The following TBCK variants were observed in gnomAD, a reference collection of about 807,000 sequenced individuals.
The protein encoded by TBCK is TBC1 domain containing kinase, also known as TBC domain-containing protein kinase-like protein.
TBCK carries 99 observed loss-of-function variants against 113.4 expected under a neutral mutation model. The observed-to-expected ratio is 0.87, with a 90% confidence interval of 0.74 to 1.03. The LOEUF (loss-of-function observed/expected upper bound fraction) is 1.03, where lower values mean the gene tolerates loss of function less well. Ranked by LOEUF, TBCK falls within the 50% of genes least tolerant of loss-of-function variation. TBCK has a pLI of 0.00. For synonymous variants in TBCK, 369 were observed against 370.8 expected, an observed-to-expected ratio of 1.00 and a Z score of 0.05; for missense variants, 1,045 against 1,061.3, an observed-to-expected ratio of 0.98 and a Z score of 0.21.
At chr4:106,052,754 A>G (rs930300839) in intron 25 of TBCK, among the ~76,000 whole-genome samples, 5 of 151,806 alleles carry the variant, frequency 3.3e-5, no homozygotes, top group African/African-American at 1.2e-4. Context: ...TTTATTTTAA[A>G]AAAAGTCAAA....
chr4:106,282,590 A>T (rs1024695955), intron 3 of TBCK, among the ~76,000 whole-genome samples: 1 of 151,952 alleles, frequency 6.6e-6, no homozygotes, highest in Non-Finnish European at 1.5e-5. Context: ...AGGTTTTGGT[A>T]TATTGTGTTT....
At chr4:106,246,486 A>G (rs1230790298) in intron 10 of TBCK, among the ~76,000 whole-genome samples, 1 of 151,360 alleles carries the variant, frequency 6.6e-6, no homozygotes, top group Non-Finnish European at 1.5e-5. Flanking sequence ...ATTCTTATCA[A>G]TAATATTATT....
intron 20 of TBCK, among the ~76,000 whole-genome samples, chr4:106,208,391 G>T (rs1755768578): frequency 1.3e-5 from 2 of 149,294 alleles, no homozygotes; most frequent in African/African-American, 4.9e-5. Context: ...CACTGTTGTG[G>T]CCATCTTTGA....
chr4:106,075,835 T>C (rs1738126269), intron 25 of TBCK, among the ~76,000 whole-genome samples: 1 of 152,246 alleles, frequency 6.6e-6, no homozygotes, highest in Admixed American at 6.5e-5. Context: ...GCCCTAAGCA[T>C]GTTAGCACAT....
chr4:106,239,700 G>A (rs1285127182), intron 12 of TBCK, among the ~76,000 whole-genome samples: 4 of 152,034 alleles, frequency 2.6e-5, no homozygotes. Flanking sequence ...TAAACAACCT[G>A]AGTAAACTTA....
At chr4:106,070,947 T>A (rs890301283) in intron 25 of TBCK, among the ~76,000 whole-genome samples, 2 of 152,204 alleles carry the variant, frequency 1.3e-5, no homozygotes, top group Non-Finnish European at 2.9e-5. Context: ...GTTTATAGTA[T>A]TTTCTGATGG....
chr4:106,214,874 G>A (rs1008814563), intron 19 of TBCK, among the ~76,000 whole-genome samples: 8 of 152,012 alleles, frequency 5.3e-5, no homozygotes, highest in African/African-American at 1.2e-4. Flanking sequence ...ATGCCACAAA[G>A]ATACTCCTTG....
chr4:106,277,154 C>A (rs1376733964), intron 3 of TBCK, among the ~76,000 whole-genome samples: 1 of 152,056 alleles, frequency 6.6e-6, no homozygotes, highest in Non-Finnish European at 1.5e-5. Context: ...CTACTTTATA[C>A]CTTGTACAAA....
At position 106,088,199 on chromosome 4, in the gene TBCK, CCTAT is replaced by C. The variant is rs1671438735; in HGVS notation, c.2571+7279_2571+7282del. 8.5e-5 allele frequency among the ~76,000 whole-genome samples: 13 copies of C among 152,252 alleles called. No individual in the cohort carries two copies. In the South Asian group the frequency reaches 2.5e-3, roughly 29 times the overall value. ...AATGGGAGAAAATTCTTGCAATCTA[CCTAT>C]CTGACGAAGGTCTAACATCCAGAAT... On this transcript the variant is annotated intron_variant, in intron 25 of 25. Coordinates refer to ENST00000394708, the MANE Select transcript of TBCK (RefSeq NM_001163435.3).
intron 10 of TBCK, among the ~76,000 whole-genome samples, chr4:106,246,133 G>C (rs1411937332): frequency 4.6e-5 from 7 of 152,180 alleles, no homozygotes; most frequent in African/African-American, 1.7e-4. Context: ...GTCCCAGACA[G>C]AAATACAGAA....
At chr4:106,298,546 C>T (rs1766563594) in intron 2 of TBCK, among the ~76,000 whole-genome samples, 2 of 151,804 alleles carry the variant, frequency 1.3e-5, no homozygotes, top group Non-Finnish European at 2.9e-5. Context: ...GGAGGCAGAG[C>T]TTGTAGTGAG....
intron 25 of TBCK, among the ~76,000 whole-genome samples, chr4:106,090,814 T>G (rs983018340): frequency 6.6e-6 from 1 of 152,132 alleles, no homozygotes; most frequent in South Asian, 2.1e-4. Flanking sequence ...TCCCAATAAC[T>G]CTCTCATTTC....
At chr4:106,159,697 A>G (rs1749538139) in intron 23 of TBCK, among the ~76,000 whole-genome samples, 1 of 152,118 alleles carries the variant, frequency 6.6e-6, no homozygotes, top group African/African-American at 2.4e-5. Context: ...TAAGATATCA[A>G]TATTACTCAA....
chr4:106,071,401 T>A (rs544234804), intron 25 of TBCK, among the ~76,000 whole-genome samples: 89 of 152,260 alleles, frequency 5.8e-4, no homozygotes, highest in Non-Finnish European at 1.1e-3. Flanking sequence ...CATGTAGTTG[T>A]GTGGTTTTGA....
intron 25 of TBCK, among the ~76,000 whole-genome samples, chr4:106,054,652 T>C (rs996918688): frequency 3.3e-5 from 5 of 151,780 alleles, no homozygotes; most frequent in Admixed American, 2.6e-4. Context: ...GAACAGTGAC[T>C]GCTAGTACAC....
intron 23 of TBCK, among the ~76,000 whole-genome samples, chr4:106,149,107 G>T (rs1372866320): frequency 6.6e-6 from 1 of 152,114 alleles, no homozygotes; most frequent in Non-Finnish European, 1.5e-5. Flanking sequence ...GATCTCTCAT[G>T]GCCTTACAGA....
chr4:106,111,201 T>C (rs1742813863), intron 24 of TBCK, among the ~76,000 whole-genome samples: 2 of 152,122 alleles, frequency 1.3e-5, no homozygotes, highest in South Asian at 4.1e-4. Flanking sequence ...CGAGGAGCAA[T>C]TAAAAGCTGA....
chr4:106,178,905 A>G (rs1282933602), intron 22 of TBCK, among the ~76,000 whole-genome samples: 20 of 151,710 alleles, frequency 1.3e-4, no homozygotes, highest in Admixed American at 1.3e-3. Flanking sequence ...ACAGCTGCTT[A>G]TCTTGTTATT....
chr4:106,237,588 T>A lies in TBCK; in HGVS notation c.1171-780A>T, dbSNP rs189325729. 2.3e-3 allele frequency: 1,030 copies of A among 454,384 alleles called. 28 individuals carry two copies. In the Admixed American group the frequency reaches 0.024, roughly 10 times the overall value. The allele number at this position is 454,384 out of a possible 1,614,324, so 28.1% of individuals were successfully genotyped here. A position where few individuals can be genotyped will look rare whatever the true frequency, so the allele number is the denominator to read the frequency against. ...AAGCTGTGTGTGCAGCAAGCACTGA[T>A]CTTCTGCTGATTAGAGTCTTTGTGC... is the stretch of plus-strand genomic sequence containing the variant. On this transcript the variant is annotated intron_variant, in intron 12 of 25. Coordinates refer to ENST00000394708, the MANE Select transcript of TBCK (RefSeq NM_001163435.3).
Sources: gnomAD v4.1 joint callset for allele counts (sites outside exome capture counted in the v4.1 genomes callset) on GRCh38, gnomAD v4.1.1 for gene constraint, MANE v1.5 for transcripts, NCBI Gene and HGNC (gene_info 2026-07-23, HGNC 2026-07-21) for gene names.